Variants in PDE3A observed in about 807,000 individuals in gnomAD.
PDE3A encodes the protein phosphodiesterase 3A.
Under a neutral mutation model 98.3 loss-of-function variants are expected in PDE3A, and 43 were observed. The ratio of observed to expected loss-of-function variants is 0.44; its 90% confidence interval spans 0.34 to 0.56. PDE3A has a LOEUF of 0.56. PDE3A is among the 20% of genes least tolerant of loss of function. The pLI is 0.01. For synonymous variants in PDE3A, 663 were observed against 567.9 expected (o/e 1.17, Z -2.38); for missense variants, 1,427 against 1,440.7 (o/e 0.99, Z 0.15).
chr12:20,473,570 C>G (rs1420290738), intron 1 of PDE3A, among the ~76,000 whole-genome samples: 1 of 152,158 alleles, frequency 6.6e-6, no homozygotes, highest in Non-Finnish European at 1.5e-5. Flanking sequence ...TTATCAGTGA[C>G]TACAGTTTCC....
chr12:20,440,188 G>A (rs1944846344), intron 1 of PDE3A, among the ~76,000 whole-genome samples: 1 of 152,164 alleles, frequency 6.6e-6, no homozygotes, highest in Non-Finnish European at 1.5e-5. Flanking sequence ...GTATGAAAAA[G>A]TGATGGTGTG....
In PDE3A at chr12:20,526,757, T is replaced by C. The variant is rs78742513; in HGVS notation, c.961-29903T>C. On this transcript the variant is annotated intron_variant, in intron 1 of 15. Coordinates refer to ENST00000359062, the MANE Select transcript of PDE3A (RefSeq NM_000921.5). The stretch of plus-strand genomic sequence containing the variant: ...TTTACTTGCTGAATCTCATTTCATG[T>C]CAATATGAGTTTTGTATTGGTAATA... 5.4e-3 allele frequency among the ~76,000 whole-genome samples: 823 copies of C among 152,110 alleles called. 8 individuals are homozygous for C. The highest frequency in any genetic ancestry group is 0.019 in the African/African-American group (778 of 41,498).
chr12:20,581,773 C>A (rs997726849), intron 2 of PDE3A, among the ~76,000 whole-genome samples: 1 of 151,658 alleles, frequency 6.6e-6, no homozygotes, highest in Non-Finnish European at 1.5e-5. Context: ...CCACTACGCC[C>A]GGCTAATTTT....
chr12:20,654,059 G>A lies in PDE3A; in HGVS notation c.3038G>A (p.Cys1013Tyr), dbSNP rs779360263. 6.2e-7 allele frequency: 1 copy of A among 1,614,120 alleles called. No individual in the cohort carries two copies. Among genetic ancestry groups the A allele is most frequent in the South Asian group, 1.1e-5 (1 of 91,082 alleles). Residue 1013 changes from cysteine (C) to tyrosine (Y), a missense_variant, in exon 15 of 16, where the codon TGC (cysteine) becomes TAC (tyrosine). This residue lies in a region of PDE3A where 273 missense variants were observed against 420.3 expected (regional missense o/e 0.65). Coordinates refer to ENST00000359062, the MANE Select transcript of PDE3A (RefSeq NM_000921.5). ...ATCTCTCACATTGTGGGGCCTCTGT[G>A]CAACTCCTATGATTCAGCAGGACTA... The part of the protein sequence containing the change: ...SFISHIVGPL[C>Y]NSYDSAGLMP...
At chr12:20,630,973 A>G (rs1944364699) in intron 6 of PDE3A, among the ~76,000 whole-genome samples, 1 of 152,200 alleles carries the variant, frequency 6.6e-6, no homozygotes, top group African/African-American at 2.4e-5. Context: ...ATTACCTCAT[A>G]GACTCAGATT....
chr12:20,687,426 T>TA lies in PDE3A; in HGVS notation c.*7161dup, dbSNP rs538841224. ...CTTAATACATATTTGTTCATCAGCT[T>TA]AAAAAATCACTAAATTTTTTATACT... On this transcript the variant is annotated 3_prime_UTR_variant, in exon 16 of 16. Transcript: ENST00000359062. Among the ~76,000 whole-genome samples the TA allele has an allele frequency of 1.1e-4, 17 of 152,200 alleles. No individual in the cohort carries two copies. Among genetic ancestry groups the TA allele is most frequent in the Middle Eastern group, 3.4e-3 (1 of 294 alleles).
chr12:20,421,357 A>G (rs1169066180), intron 1 of PDE3A, among the ~76,000 whole-genome samples: 1 of 152,218 alleles, frequency 6.6e-6, no homozygotes, highest in African/African-American at 2.4e-5. Context: ...ACAATCAAAT[A>G]AATTAATGTT....
intron 1 of PDE3A, among the ~76,000 whole-genome samples, chr12:20,382,043 T>C (rs1489105999): frequency 1.3e-5 from 2 of 151,932 alleles, no homozygotes; most frequent in African/African-American, 4.8e-5. Flanking sequence ...TAATTACATA[T>C]CATTTGACAC....
chr12:20,479,553 G>T (rs1216370315), intron 1 of PDE3A, among the ~76,000 whole-genome samples: 2 of 152,224 alleles, frequency 1.3e-5, no homozygotes. Context: ...TGAGTTAAAA[G>T]GGAATTAAGG....
intron 1 of PDE3A, among the ~76,000 whole-genome samples, chr12:20,554,553 T>G (rs1045930959): frequency 1.3e-5 from 2 of 151,728 alleles, no homozygotes; most frequent in African/African-American, 4.8e-5. Flanking sequence ...AATTATTTTT[T>G]ACCCTCAAAA....
At chr12:20,511,851 A>G (rs1356868251) in intron 1 of PDE3A, among the ~76,000 whole-genome samples, 2 of 152,096 alleles carry the variant, frequency 1.3e-5, no homozygotes, top group Non-Finnish European at 2.9e-5. Flanking sequence ...GACCATCACA[A>G]TAAGTGGTGT....
intron 1 of PDE3A, among the ~76,000 whole-genome samples, chr12:20,437,380 A>C (rs1439969177): frequency 6.6e-6 from 1 of 152,166 alleles, no homozygotes; most frequent in Non-Finnish European, 1.5e-5. Flanking sequence ...CCATTCTTGC[A>C]TACCTAAGGT....
chr12:20,647,546 A>C (rs149114063), intron 12 of PDE3A, among the ~76,000 whole-genome samples: 176 of 152,216 alleles, frequency 1.2e-3, no homozygotes, highest in African/African-American at 4.1e-3. Context: ...CCATTTATAC[A>C]ATCAAATTTA....
At chr12:20,490,249 TG>T (rs1194317789) in intron 1 of PDE3A, among the ~76,000 whole-genome samples, 1 of 152,158 alleles carries the variant, frequency 6.6e-6, no homozygotes, top group African/African-American at 2.4e-5. Flanking sequence ...AAAACATATC[TG>T]TTATTAGTTC....
At chr12:20,514,783 A>G (rs1049301949) in intron 1 of PDE3A, among the ~76,000 whole-genome samples, 3 of 152,216 alleles carry the variant, frequency 2.0e-5, no homozygotes, top group Non-Finnish European at 4.4e-5. Context: ...GGCTTCCCAC[A>G]TTAGTTGTAT....
chr12:20,535,295 C>G (rs566442386), intron 1 of PDE3A, among the ~76,000 whole-genome samples: 1 of 152,276 alleles, frequency 6.6e-6, no homozygotes, highest in African/African-American at 2.4e-5. Context: ...CTTTCTTTAG[C>G]TCAGTTTTCA....
intron 1 of PDE3A, among the ~76,000 whole-genome samples, chr12:20,405,713 C>T (rs1478139917): frequency 6.6e-6 from 1 of 152,094 alleles, no homozygotes; most frequent in Non-Finnish European, 1.5e-5. Flanking sequence ...TCATAGTTAC[C>T]TGTGTGTGGT....
chr12:20,503,850 T>C (rs1946066856), intron 1 of PDE3A, among the ~76,000 whole-genome samples: 1 of 152,162 alleles, frequency 6.6e-6, no homozygotes, highest in South Asian at 2.1e-4. Flanking sequence ...AGCTTTCAAA[T>C]GTAACAGAAT....
intron 1 of PDE3A, among the ~76,000 whole-genome samples, chr12:20,484,846 T>A (rs1036566271): frequency 2.0e-5 from 3 of 152,208 alleles, no homozygotes; most frequent in East Asian, 3.8e-4. Context: ...AAAATTACTA[T>A]ATCATCTTCA....
Sources: allele counts gnomAD v4.1 joint callset (sites outside exome capture counted in the v4.1 genomes callset), GRCh38; gene constraint gnomAD v4.1.1; regional missense constraint gnomAD v4.1.1; transcripts MANE v1.5; gene names NCBI Gene and HGNC (gene_info 2026-07-23, HGNC 2026-07-21).